Variants in ABCA12 observed in about 807,000 individuals in gnomAD.
The protein encoded by ABCA12 is glucosylceramide transporter ABCA12.
In ABCA12, 156 loss-of-function variants were observed where a neutral mutation model predicts 293.5. The observed-to-expected ratio is 0.53, with a 90% CI of 0.47 to 0.61. The LOEUF (loss-of-function observed/expected upper bound fraction) is 0.61. Among genes scored for constraint, ABCA12 ranks in the 20% least tolerant of loss-of-function variants. The pLI is 0.00. For missense variants in ABCA12, 2,797 were observed against 3,090.2 expected (o/e 0.91, Z 2.25); for synonymous variants, 1,063 against 1,108.0 (o/e 0.96, Z 0.81).
At chr2:214,955,403 C>T (rs772173342) in intron 42 of ABCA12, 42 bp from the exon 43 acceptor site, 10 of 1,603,664 alleles carry the variant, frequency 6.2e-6, no homozygotes, top group Admixed American at 1.7e-5. Context: ...ACGCCTCGGC[C>T]AGGCATGGTG....
chr2:215,015,004 T>C (rs1443856025), intron 15 of ABCA12, among the ~76,000 whole-genome samples: 1 of 152,180 alleles, frequency 6.6e-6, no homozygotes, highest in Non-Finnish European at 1.5e-5. Flanking sequence ...CAACCATTTG[T>C]TTTTCCTTCT....
chr2:215,015,559 T>G lies in ABCA12; in HGVS notation c.1887A>C (p.Arg629Ser). The G allele has an allele frequency of 3.1e-6, 5 of 1,614,176 alleles. No individual in the cohort carries two copies. The highest frequency in any genetic ancestry group is 4.2e-6 in the Non-Finnish European group (5 of 1,180,010). Residue 629 changes from arginine to serine, a missense_variant, in exon 15 of 53, where the codon AGA (arginine) becomes AGC (serine). Physicochemically the swap from Arg to Ser is moderately radical, Grantham distance 110. Around this residue, in one of 3 missense-constraint regions of ABCA12, gnomAD observed 2,130 missense variants for 2,427.0 expected, o/e 0.88. Transcript: ENST00000272895. Reference sequence around the variant, plus strand: ...GTCCGATGAGGTAAGACTGCCGGGATCTCTCTGAAAGAGACAGGTTGCAGA... The same window carrying G: ...GTCCGATGAGGTAAGACTGCCGGGAGCTCTCTGAAAGAGACAGGTTGCAGA... Reference protein sequence around the residue: ...KEFCNLSLSERSRQSYLIGLT... With the variant: ...KEFCNLSLSESSRQSYLIGLT...
intron 10 of ABCA12, among the ~76,000 whole-genome samples, chr2:215,026,479 A>G (rs535177897): frequency 1.4e-4 from 22 of 152,334 alleles, no homozygotes; most frequent in African/African-American, 5.1e-4. Context: ...TAAGATTATT[A>G]AGAGCATAGA....
At chr2:215,016,605 A>AAAAAAAAAAAAAAG (rs1553534171) in intron 14 of ABCA12, among the ~76,000 whole-genome samples, 1 of 139,186 alleles carries the variant, frequency 7.2e-6, no homozygotes, top group Non-Finnish European at 1.5e-5. Flanking sequence ...AAAAAAAAAA[A>AAAAAAAAAAAAAAG]AAAAAAAAAG....
chr2:215,125,558 T>C (rs1426396760), intron 1 of ABCA12, among the ~76,000 whole-genome samples: 1 of 152,094 alleles, frequency 6.6e-6, no homozygotes, highest in Non-Finnish European at 1.5e-5. Context: ...TTTTTACAAC[T>C]AGTGTAAAAG....
In ABCA12 at chr2:215,000,901, T is replaced by C; in HGVS notation, c.2983A>G (p.Thr995Ala). ...IRMSLKTAQT[T>A]RSLRTKIWAP... ...CAAATCTTGGTTCTTAGGCTTCTTGTGGTCTGTGCGGTCTTGAGACTCATC... is the reference window on the plus strand; with the variant it reads ...CAAATCTTGGTTCTTAGGCTTCTTGCGGTCTGTGCGGTCTTGAGACTCATC... The change falls in exon 22 of 53, where the codon ACA becomes GCA. Residue 995 changes from threonine (T) to alanine (A), a missense_variant. By Grantham distance (58) the Thr-to-Ala change is moderately conservative. Coordinates refer to ENST00000272895, the MANE Select transcript of ABCA12 (RefSeq NM_173076.3). 6.2e-7 allele frequency: 1 copy of C among 1,614,170 alleles called. No individual in the cohort carries two copies. The highest frequency in any genetic ancestry group is 8.5e-7 in the Non-Finnish European group (1 of 1,180,002).
intron 39 of ABCA12, among the ~76,000 whole-genome samples, chr2:214,965,537 G>A (rs1296518434): frequency 6.6e-5 from 10 of 151,828 alleles, no homozygotes; most frequent in African/African-American, 1.9e-4. Flanking sequence ...TTACTGGGGC[G>A]AGGGGGGAAG....
chr2:215,014,097 C>A (rs1700436402), intron 15 of ABCA12, among the ~76,000 whole-genome samples: 2 of 151,774 alleles, frequency 1.3e-5, no homozygotes, highest in African/African-American at 4.8e-5. Flanking sequence ...ACAAGAATTG[C>A]CTGAAACCAG....
intron 3 of ABCA12, among the ~76,000 whole-genome samples, chr2:215,062,145 T>C (rs1444447272): frequency 6.6e-6 from 1 of 152,058 alleles, no homozygotes; most frequent in East Asian, 1.9e-4. Flanking sequence ...TCAGCTTCCC[T>C]CTGGCAGTCT....
At chr2:215,071,236 AAAATAAAATAAAATAAAAT>A (rs1163578788) in intron 2 of ABCA12, among the ~76,000 whole-genome samples, 2 of 148,384 alleles carry the variant, frequency 1.3e-5, no homozygotes, top group African/African-American at 5.1e-5. Flanking sequence ...AAAATAAAAT[AAAATAAAATAAAATAAAAT>A]AAAAAATAAA....
chr2:214,952,227 T>G (rs1231686005), intron 44 of ABCA12, among the ~76,000 whole-genome samples: 44 of 150,444 alleles, frequency 2.9e-4, no homozygotes, highest in East Asian at 9.8e-4. Context: ...TTGTTGTTTT[T>G]TTTTTTTTTT....
At chr2:214,984,422 C>T (rs769198667) in intron 28 of ABCA12, among the ~76,000 whole-genome samples, 2 of 152,104 alleles carry the variant, frequency 1.3e-5, no homozygotes, top group Non-Finnish European at 1.5e-5. Context: ...ATTCCAAGTA[C>T]GTTCTCCCTC....
intron 6 of ABCA12, among the ~76,000 whole-genome samples, chr2:215,047,393 C>T (rs1229446334): frequency 6.6e-6 from 1 of 152,118 alleles, no homozygotes; most frequent in African/African-American, 2.4e-5. Context: ...TACTGCAGGG[C>T]TACAGTAACC....
Position 215,012,122 on chromosome 2 carries a change from C to T in ABCA12, c.1970G>A (p.Arg657Lys). 1 of 1,613,682 alleles carries T rather than the reference C, an allele frequency of 6.2e-7. No homozygotes were observed. Among genetic ancestry groups the T allele is most frequent in the Non-Finnish European group, 8.5e-7 (1 of 1,179,832 alleles). The change falls in exon 16 of 53, where the codon AGG becomes AAG. Residue 657 changes from arginine to lysine, a missense_variant. Physicochemically the swap from Arg to Lys is conservative, Grantham distance 26 (BLOSUM62 2). Around this residue, in one of 3 missense-constraint regions of ABCA12, gnomAD observed 2,130 missense variants for 2,427.0 expected, o/e 0.88. Coordinates refer to ENST00000272895, the MANE Select transcript of ABCA12 (RefSeq NM_173076.3). ...YNFTYKVFFP[R>K]KDQKPVEKMM... Reference sequence around the variant, plus strand: ...CTTTTCTACTGGCTTTTGATCTTTCCTCGGGAAAAACACCTAACAGAAACA... The same window carrying T: ...CTTTTCTACTGGCTTTTGATCTTTCTTCGGGAAAAACACCTAACAGAAACA...
Position 214,983,988 on chromosome 2 carries a change from A to T in ABCA12, c.4164-123T>A, listed in dbSNP as rs979481972. ...GTATCTTCTCAGTCAAGGGCAAACTATGAAATAAAATGGTATTTAATGGGA... is the reference window on the plus strand; with the variant it reads ...GTATCTTCTCAGTCAAGGGCAAACTTTGAAATAAAATGGTATTTAATGGGA... On this transcript the variant is annotated intron_variant, in intron 28 of 52. Coordinates refer to ENST00000272895, the MANE Select transcript of ABCA12 (RefSeq NM_173076.3). The T allele has an allele frequency of 5.5e-6, 4 of 728,930 alleles. No individual in the cohort carries two copies. The South Asian group carries it at 7.1e-5, about 13-fold the overall frequency. The allele number at this position is 728,930 out of a possible 1,614,324, so 45.2% of individuals were successfully genotyped here.
chr2:214,968,573 C>A (rs1180324597), intron 38 of ABCA12, 147 bp downstream of exon 38: 4 of 731,932 alleles, frequency 5.5e-6, no homozygotes, highest in Non-Finnish European at 7.2e-6. Context: ...AGGGTACATA[C>A]ACAGAATTGG....
chr2:215,037,034 G>A lies in ABCA12; in HGVS notation c.904C>T (p.Arg302Cys), dbSNP rs553945164. ...CTGAAACCTTCGTTAGTTGCAAAAC[G>A]TGGATAAACCTTCTGCACAACCAGC... Reference protein sequence around the residue: ...VLLVVQKVYPRFATNEGFRTL... With the variant: ...VLLVVQKVYPCFATNEGFRTL... Residue 302 changes from arginine (R) to cysteine (C), a missense_variant, in exon 8 of 53, where the codon CGT becomes TGT. Coordinates refer to ENST00000272895, the MANE Select transcript of ABCA12 (RefSeq NM_173076.3). The A allele has an allele frequency of 3.3e-5, 54 of 1,613,862 alleles. No individual in the cohort carries two copies. The highest frequency in any genetic ancestry group is 2.0e-4 in the Admixed American group (12 of 60,008).
chr2:215,000,653 G>A, intron 22 of ABCA12, 52 bp downstream of exon 22: 2 of 1,601,242 alleles, frequency 1.2e-6, no homozygotes, highest in Admixed American at 1.7e-5. Flanking sequence ...ACTGAAGTGA[G>A]TTCTCAGAAA....
chr2:215,071,067 T>C (rs1433711100), intron 2 of ABCA12, among the ~76,000 whole-genome samples: 2 of 151,604 alleles, frequency 1.3e-5, no homozygotes, highest in East Asian at 3.9e-4. Context: ...CATGCTGGTA[T>C]GTGCCTGCAG....
Sources: gnomAD v4.1 joint callset for allele counts (sites outside exome capture counted in the v4.1 genomes callset) on GRCh38, gnomAD v4.1.1 for gene constraint, gnomAD v4.1.1 regional missense constraint, MANE v1.5 for transcripts, NCBI Gene and HGNC (gene_info 2026-07-23, HGNC 2026-07-21) for gene names.